CYLD: variants seen among roughly 807,000 people sequenced by gnomAD.
The protein encoded by CYLD is ubiquitin carboxyl-terminal hydrolase CYLD.
A neutral mutation model predicts 104.5 loss-of-function variants in CYLD; 26 were observed. That is an observed-to-expected ratio of 0.25 (90% confidence interval 0.18 to 0.35). The LOEUF is 0.35. Among genes scored for constraint, CYLD ranks in the 10% least tolerant of loss-of-function variants. The probability of loss-of-function intolerance (pLI) is 1.00; values close to 1 mark genes in which losing one functional copy is unlikely to be tolerated. For synonymous variants in CYLD, 385 were observed against 399.9 expected (o/e 0.96, Z 0.45); for missense variants, 703 against 1,136.1 (o/e 0.62, Z 5.48).
rs544677640 is a variant in CYLD, at chr16:50,757,344, T to G, written c.913+2920T>G. ...GAGGTATAGGATTCAAATGATAGCTTTATTTCAATTTTACTTCTTCAAAGT... is the reference window on the plus strand; with the variant it reads ...GAGGTATAGGATTCAAATGATAGCTGTATTTCAATTTTACTTCTTCAAAGT... On this transcript the variant is annotated intron_variant, in intron 5 of 18. Transcript: ENST00000427738. 8.2e-4 allele frequency among the ~76,000 whole-genome samples: 125 copies of G among 152,314 alleles called. 2 individuals carry two copies. Among genetic ancestry groups the G allele is most frequent in the African/African-American group, 2.8e-3 (117 of 41,568 alleles).
At chr16:50,768,782 C>G (rs1447323776) in intron 5 of CYLD, among the ~76,000 whole-genome samples, 1 of 151,834 alleles carries the variant, frequency 6.6e-6, no homozygotes, top group South Asian at 2.1e-4. Context: ...GAGTATAATG[C>G]TGTTTTTTTG....
intron 7 of CYLD, 131 bp from the exon 8 acceptor site, chr16:50,777,692 ATT>A (rs1321377668): frequency 1.7e-6 from 1 of 590,886 alleles, no homozygotes; most frequent in Admixed American, 2.7e-5. Flanking sequence ...TAAAAAACAT[ATT>A]GTGTTTATAT....
chr16:50,755,165 G>A (rs62029868), intron 5 of CYLD, among the ~76,000 whole-genome samples: 7 of 33,294 alleles, frequency 2.1e-4, no homozygotes, highest in African/African-American at 1.1e-3. Flanking sequence ...ATACACACGT[G>A]TACATATGTG....
chr16:50,786,861 A>G lies in CYLD; in HGVS notation c.1956A>G (p.Gly652=). Residue 652 remains glycine, a synonymous_variant, in exon 13 of 19, where the codon GGA becomes GGG. Transcript: ENST00000427738. ...TEIVNPLRIY[G]YVCATKIMKL... ...TAGTTTTTTACTAACTTAGATATGGATATGTGTGTGCCACAAAAATTATGA... is the reference window on the plus strand; with the variant it reads ...TAGTTTTTTACTAACTTAGATATGGGTATGTGTGTGCCACAAAAATTATGA... 2 of 1,610,086 alleles carry G rather than the reference A, an allele frequency of 1.2e-6. No homozygotes were observed. Among genetic ancestry groups the G allele is most frequent in the Non-Finnish European group, 1.7e-6 (2 of 1,176,370 alleles).
intron 5 of CYLD, among the ~76,000 whole-genome samples, chr16:50,765,756 G>A (rs1431138372): frequency 6.6e-6 from 1 of 152,218 alleles, no homozygotes; most frequent in Non-Finnish European, 1.5e-5. Flanking sequence ...TGCTGATATG[G>A]AGAAAGGTTT....
At chr16:50,769,290 A>G (rs991522090) in intron 5 of CYLD, among the ~76,000 whole-genome samples, 1 of 152,180 alleles carries the variant, frequency 6.6e-6, no homozygotes, top group Non-Finnish European at 1.5e-5. Context: ...AAGTGGTTGC[A>G]TTATTTTACA....
At chr16:50,751,982 A>T in intron 4 of CYLD, 76 bp downstream of exon 4, 2 of 119,280 alleles carry the variant, frequency 1.7e-5, no homozygotes, top group Non-Finnish European at 2.4e-5. Flanking sequence ...ATATATAAAC[A>T]TATATATACA....
At position 50,776,291 on chromosome 16, in the gene CYLD, G is replaced by A. The variant is rs373319028; in HGVS notation, c.1021+14G>A. 27 of 1,547,338 alleles carry A rather than the reference G, an allele frequency of 1.7e-5. No individual in the cohort carries two copies. In the African/African-American group the frequency reaches 2.6e-4, roughly 15 times the overall value. Reference sequence around the variant, plus strand: ...CAAAGGCTACAGGTATGGATTAATAGCATATAACCTTTAGTAATTTGCATA... The same window carrying A: ...CAAAGGCTACAGGTATGGATTAATAACATATAACCTTTAGTAATTTGCATA... On this transcript the variant is annotated intron_variant, in intron 7 of 18. Transcript: ENST00000427738.
chr16:50,742,409 C>A (rs566877087), intron 1 of CYLD: 32 of 179,650 alleles, frequency 1.8e-4, no homozygotes, highest in Admixed American at 6.3e-4. Flanking sequence ...GTTTCCCCCC[C>A]CCACCGGGGC....
At chr16:50,774,597 G>A (rs1282488989) in intron 5 of CYLD, among the ~76,000 whole-genome samples, 1 of 152,220 alleles carries the variant, frequency 6.6e-6, no homozygotes, top group African/African-American at 2.4e-5. Context: ...TTGATCTGAT[G>A]ACTGAGGTGG....
chr16:50,743,781 A>G (rs1394425757), intron 2 of CYLD, among the ~76,000 whole-genome samples: 1 of 152,114 alleles, frequency 6.6e-6, no homozygotes, highest in Non-Finnish European at 1.5e-5. Context: ...CCTCAAAACA[A>G]CTTGGTTTCG....
intron 9 of CYLD, among the ~76,000 whole-genome samples, 200 bp downstream of exon 9, chr16:50,780,244 T>C (rs1970091785): frequency 6.6e-6 from 1 of 152,208 alleles, no homozygotes; most frequent in African/African-American, 2.4e-5. Context: ...TTAGTTGATT[T>C]ATGTTCAAGG....
intron 7 of CYLD, 32 bp from the exon 8 acceptor site, chr16:50,777,793 A>G: frequency 8.1e-7 from 1 of 1,233,880 alleles, no homozygotes; most frequent in East Asian, 2.3e-5. Flanking sequence ...TATTGACTTT[A>G]TTTTTAAATG....
rs538357234 is a variant in CYLD, at chr16:50,744,943, C to T, written c.-124+2102C>T. 2.6e-5 allele frequency: 4 copies of T among 152,446 alleles called. No homozygotes were observed. In the South Asian group the frequency reaches 6.2e-4, roughly 24 times the overall value. The allele number at this position is 152,446 out of a possible 1,614,324, so 9.4% of individuals were successfully genotyped here. On this transcript the variant is annotated intron_variant, in intron 2 of 18. Coordinates refer to ENST00000427738, the MANE Select transcript of CYLD (RefSeq NM_001378743.1). ...GAAATGTTTTCAAATCTATGTGAACCTGAACTGTTCTCCTTCATCAGCGTC... is the reference window on the plus strand; with the variant it reads ...GAAATGTTTTCAAATCTATGTGAACTTGAACTGTTCTCCTTCATCAGCGTC...
chr16:50,777,264 T>C (rs1047827453), intron 7 of CYLD, among the ~76,000 whole-genome samples: 1 of 152,170 alleles, frequency 6.6e-6, no homozygotes, highest in Non-Finnish European at 1.5e-5. Flanking sequence ...GTGGCATAGC[T>C]ACACTCGCCC....
chr16:50,790,972 T>G (rs1237931970), intron 14 of CYLD, among the ~76,000 whole-genome samples: 1 of 152,152 alleles, frequency 6.6e-6, no homozygotes, highest in African/African-American at 2.4e-5. Context: ...TGGTATTTGT[T>G]GAATAAATGA....
intron 5 of CYLD, among the ~76,000 whole-genome samples, chr16:50,760,723 CT>C (rs1461371819): frequency 2.6e-5 from 4 of 152,094 alleles, no homozygotes; most frequent in Non-Finnish European, 5.9e-5. Context: ...TTGTTTCTGA[CT>C]TTTTGATATT....
chr16:50,748,906 A>G (rs1596962018), intron 2 of CYLD, among the ~76,000 whole-genome samples: 1 of 152,222 alleles, frequency 6.6e-6, no homozygotes, highest in East Asian at 1.9e-4. Flanking sequence ...AAAGTTTATT[A>G]GTGTCAGAAT....
intron 5 of CYLD, among the ~76,000 whole-genome samples, chr16:50,768,674 T>C (rs1298365356): frequency 6.6e-6 from 1 of 152,210 alleles, no homozygotes; most frequent in Non-Finnish European, 1.5e-5. Context: ...GTTCTTGAAG[T>C]TGTTATGATG....
Sources: allele counts gnomAD v4.1 joint callset (sites outside exome capture counted in the v4.1 genomes callset), GRCh38; gene constraint gnomAD v4.1.1; transcripts MANE v1.5; gene names NCBI Gene and HGNC (gene_info 2026-07-23, HGNC 2026-07-21).